Variants in MEIS2 observed in about 807,000 individuals in gnomAD.
MEIS2 encodes homeobox protein Meis2.
MEIS2 carries 9 observed loss-of-function variants against 58.6 expected under a neutral mutation model. That is an observed-to-expected ratio of 0.15 (90% confidence interval 0.09 to 0.27). The LOEUF (loss-of-function observed/expected upper bound fraction) is 0.27, where lower values mean the gene tolerates loss of function less well. Ranked by LOEUF, MEIS2 falls within the 10% of genes least tolerant of loss-of-function variation. MEIS2 has a pLI of 1.00. For synonymous variants in MEIS2, 221 were observed against 228.4 expected (o/e 0.97, Z 0.29); for missense variants, 427 against 635.0 (o/e 0.67, Z 3.52).
intron 7 of MEIS2, among the ~76,000 whole-genome samples, chr15:37,044,146 TA>T (rs1244320438): frequency 6.6e-6 from 1 of 152,172 alleles, no homozygotes; most frequent in Non-Finnish European, 1.5e-5. Flanking sequence ...TCAAAGAAAT[TA>T]GATGACTTGT....
At chr15:37,084,139 C>A (rs1303701856) in intron 6 of MEIS2, among the ~76,000 whole-genome samples, 3 of 151,926 alleles carry the variant, frequency 2.0e-5, no homozygotes, top group Non-Finnish European at 4.4e-5. Context: ...TAAGTGTATA[C>A]TTTAAATGGG....
intron 8 of MEIS2, among the ~76,000 whole-genome samples, chr15:37,031,992 A>G (rs1268496655): frequency 1.3e-5 from 2 of 152,020 alleles, no homozygotes; most frequent in Non-Finnish European, 2.9e-5. Context: ...GCATGTGTGC[A>G]CCACACCCGG....
At chr15:36,971,335 C>T (rs904173651) in intron 8 of MEIS2, among the ~76,000 whole-genome samples, 4 of 151,754 alleles carry the variant, frequency 2.6e-5, no homozygotes, top group Non-Finnish European at 5.9e-5. Flanking sequence ...AATGCTTAAG[C>T]ATCACCTGGT....
rs548288323 is a variant in MEIS2 at position 36,890,175 on chromosome 15, T to C, written c.*1998A>G. 7 of 152,318 alleles carry C rather than the reference T, an allele frequency of 4.6e-5. No individual in the cohort carries two copies. In the East Asian group the frequency reaches 1.3e-3, roughly 29 times the overall value. 9.4% of individuals were successfully genotyped at this position (152,318 alleles called of 1,614,324 possible). ...ACATCACATATCTAGCCAAAGTATA[T>C]GACATTATTCTTTCTAAACAAAGAT... On this transcript the variant is annotated 3_prime_UTR_variant, in exon 12 of 12. Transcript: ENST00000561208.
At chr15:37,050,608 T>C (rs1169092500) in intron 7 of MEIS2, among the ~76,000 whole-genome samples, 1 of 152,094 alleles carries the variant, frequency 6.6e-6, no homozygotes, top group Admixed American at 6.5e-5. Flanking sequence ...TATCTGACAT[T>C]TTTCTATTTC....
rs897837417 is a variant in MEIS2 at position 36,904,498 on chromosome 15, A to C, written c.978-7812T>G. On this transcript the variant is annotated intron_variant, in intron 9 of 11. Transcript: ENST00000561208. ...CTCCTGAGTTCAGAAAGAATGCTCC[A>C]TTTTTTCTGACAGCAAATTTTACCC... is the stretch of plus-strand genomic sequence containing the variant. Among the ~76,000 whole-genome samples the C allele has an allele frequency of 7.9e-5, 12 of 152,068 alleles. 1 individual carries two copies.
intron 6 of MEIS2, among the ~76,000 whole-genome samples, chr15:37,087,459 T>C (rs1893021189): frequency 6.6e-6 from 1 of 152,252 alleles, no homozygotes; most frequent in Non-Finnish European, 1.5e-5. Context: ...TTGTAATTAA[T>C]ATAAAAGCAG....
At chr15:37,067,537 C>T (rs1312437002) in intron 7 of MEIS2, among the ~76,000 whole-genome samples, 1 of 151,306 alleles carries the variant, frequency 6.6e-6, no homozygotes, top group East Asian at 1.9e-4. Flanking sequence ...CACATTCAGA[C>T]TCTGGTCTGC....
intron 8 of MEIS2, among the ~76,000 whole-genome samples, chr15:37,011,527 G>A (rs892455090): frequency 2.0e-5 from 3 of 150,952 alleles, no homozygotes; most frequent in Admixed American, 6.6e-5. Flanking sequence ...AGACATGTGC[G>A]TTGTCAGTAG....
At chr15:37,049,537 A>G (rs1044151908) in intron 7 of MEIS2, among the ~76,000 whole-genome samples, 2 of 151,038 alleles carry the variant, frequency 1.3e-5, no homozygotes, top group Non-Finnish European at 3.0e-5. Context: ...CCCAGGCCGG[A>G]GTGTAGTGGC....
chr15:36,892,535 G>GAAAAAAAA (rs1271676407), intron 11 of MEIS2, 76 bp from the exon 12 acceptor site: 172 of 513,614 alleles, frequency 3.3e-4, no homozygotes, highest in South Asian at 9.7e-4. Context: ...AAGATGAAAA[G>GAAAAAAAA]AAAAAAAAAA....
chr15:36,920,776 A>G (rs2057475508), intron 9 of MEIS2, among the ~76,000 whole-genome samples: 1 of 152,218 alleles, frequency 6.6e-6, no homozygotes, highest in Non-Finnish European at 1.5e-5. Context: ...AAAAAGTTAT[A>G]AAGTAATCAA....
intron 9 of MEIS2, among the ~76,000 whole-genome samples, chr15:36,948,279 C>T (rs1523194): frequency 1.3e-5 from 2 of 151,796 alleles, no homozygotes; most frequent in Non-Finnish European, 2.9e-5. Flanking sequence ...AACAAGAAAC[C>T]TAAACTCTCA....
chr15:36,925,400 A>AT (rs2057707245), intron 9 of MEIS2, among the ~76,000 whole-genome samples: 1 of 152,180 alleles, frequency 6.6e-6, no homozygotes, highest in Admixed American at 6.5e-5. Context: ...TTATTTAAGG[A>AT]TTGGCAAGTT....
intron 9 of MEIS2, among the ~76,000 whole-genome samples, chr15:36,931,665 C>T (rs893197182): frequency 6.6e-6 from 1 of 152,182 alleles, no homozygotes. Flanking sequence ...CTATGCATCA[C>T]AGAACAGAAT....
chr15:36,983,241 T>A (rs2059987262), intron 8 of MEIS2, among the ~76,000 whole-genome samples: 1 of 152,148 alleles, frequency 6.6e-6, no homozygotes, highest in Non-Finnish European at 1.5e-5. Flanking sequence ...GTCAAAAAGA[T>A]CTTTCCCTAT....
intron 8 of MEIS2, among the ~76,000 whole-genome samples, chr15:37,031,724 A>T (rs2061931726): frequency 1.3e-5 from 2 of 151,800 alleles, no homozygotes. Context: ...CAGAGATATG[A>T]AGAGGGGACA....
At chr15:37,024,811 A>T (rs2061645244) in intron 8 of MEIS2, among the ~76,000 whole-genome samples, 1 of 152,216 alleles carries the variant, frequency 6.6e-6, no homozygotes, top group South Asian at 2.1e-4. Flanking sequence ...AGGATGAAAA[A>T]TGGCATGCTG....
intron 9 of MEIS2, among the ~76,000 whole-genome samples, chr15:36,918,329 T>C (rs1047841939): frequency 2.6e-5 from 4 of 152,220 alleles, no homozygotes; most frequent in African/African-American, 9.6e-5. Flanking sequence ...ACAAGTTCTT[T>C]AACTTTTCTG....
Sources: gnomAD v4.1 joint callset for allele counts (sites outside exome capture counted in the v4.1 genomes callset) on GRCh38, gnomAD v4.1.1 for gene constraint, MANE v1.5 for transcripts, NCBI Gene and HGNC (gene_info 2026-07-23, HGNC 2026-07-21) for gene names.